KIRREL3: variants seen among roughly 807,000 people sequenced by gnomAD.
KIRREL3 encodes the protein kirre like nephrin family adhesion molecule 3.
A neutral mutation model predicts 89.7 loss-of-function variants in KIRREL3; 36 were observed. The ratio of observed to expected loss-of-function variants is 0.40; its 90% confidence interval spans 0.31 to 0.53. The LOEUF (loss-of-function observed/expected upper bound fraction) is 0.53. Ranked by LOEUF, KIRREL3 falls within the 20% of genes least tolerant of loss-of-function variation. KIRREL3 has a pLI of 0.49. For missense variants in KIRREL3, 864 were observed against 1,056.6 expected (o/e 0.82, Z 2.53); for synonymous variants, 445 against 441.4 (o/e 1.01, Z -0.10).
Position 126,578,664 on chromosome 11 carries a change from C to T in KIRREL3, c.56-15752G>A, listed in dbSNP as rs1049546834. The stretch of plus-strand genomic sequence containing the variant: ...TGGGGGAGGGACTCAGAATCCGCCT[C>T]ACACCCATGGAGAGTTCTCGCAATG... On this transcript the variant is annotated intron_variant, in intron 1 of 16. Transcript: ENST00000525144. The surrounding 1 kb of genome is among the most constrained non-coding windows in gnomAD (Gnocchi z 4.9). 1.3e-5 allele frequency among the ~76,000 whole-genome samples: 2 copies of T among 152,120 alleles called. No homozygotes were observed. Among genetic ancestry groups the T allele is most frequent in the African/African-American group, 2.4e-5 (1 of 41,424 alleles).
rs544089805 is a variant in KIRREL3 at position 126,645,011 on chromosome 11, G to A, written c.56-82099C>T. ...CCTGGAAGAGGTGAGGACTTGGGAT[G>A]AACCTTGAGGGAGGGGTTGGGGTTG... On this transcript the variant is annotated intron_variant, in intron 1 of 16. Coordinates refer to ENST00000525144, the MANE Select transcript of KIRREL3 (RefSeq NM_032531.4). This position sits in a 1 kb window ranked among gnomAD's most constrained non-coding sequence, Gnocchi z 4.9. Among the ~76,000 whole-genome samples, 7 of 152,280 alleles carry A rather than the reference G, an allele frequency of 4.6e-5. No individual in the cohort carries two copies. In the South Asian group the frequency reaches 1.4e-3, roughly 32 times the overall value.
chr11:126,590,088 A>G (rs1942063858), intron 1 of KIRREL3, among the ~76,000 whole-genome samples: 1 of 152,224 alleles, frequency 6.6e-6, no homozygotes, highest in South Asian at 2.1e-4. Flanking sequence ...GCTCAAATGT[A>G]AACCCAGGAA....
Position 126,520,631 on chromosome 11 carries a change from G to A in KIRREL3, c.433+684C>T, listed in dbSNP as rs1332501964. 9.2e-5 allele frequency among the ~76,000 whole-genome samples: 14 copies of A among 152,216 alleles called. No homozygotes were observed. The highest frequency in any genetic ancestry group is 1.9e-4 in the Non-Finnish European group (13 of 68,028). On this transcript the variant is annotated intron_variant, in intron 4 of 16. Transcript: ENST00000525144. The surrounding 1 kb of genome is among the most constrained non-coding windows in gnomAD (Gnocchi z 4.9). The stretch of plus-strand genomic sequence containing the variant: ...GGACTGAACTCTAAATCAGAACTAG[G>A]CGGTTTAAGAGGTCACCGAGCCCAT...
At position 126,946,580 on chromosome 11, in the gene KIRREL3, C is replaced by CA. The variant is rs1948625853; in HGVS notation, c.55+53874dup. ...TCATTTATTTAACATATCTTGAGAA[C>CA]ATGTTTTATGTCAGTTACTATGATA... On this transcript the variant is annotated intron_variant, in intron 1 of 16. Coordinates refer to ENST00000525144, the MANE Select transcript of KIRREL3 (RefSeq NM_032531.4). This position sits in a 1 kb window ranked among gnomAD's most constrained non-coding sequence, Gnocchi z 4.1. Among the ~76,000 whole-genome samples the CA allele has an allele frequency of 2.0e-5, 3 of 152,118 alleles. No homozygotes were observed.
intron 1 of KIRREL3, among the ~76,000 whole-genome samples, chr11:126,637,398 T>C (rs1253718976): frequency 6.6e-6 from 1 of 152,240 alleles, no homozygotes; most frequent in East Asian, 1.9e-4. Context: ...CTTGGCCTCA[T>C]GTTCCCACTG....
rs879457395 is a variant in KIRREL3 at position 126,645,232 on chromosome 11, A to G, written c.56-82320T>C. 2.0e-5 allele frequency among the ~76,000 whole-genome samples: 3 copies of G among 152,224 alleles called. No individual in the cohort carries two copies. The highest frequency in any genetic ancestry group is 4.4e-5 in the Non-Finnish European group (3 of 68,036). On this transcript the variant is annotated intron_variant, in intron 1 of 16. Coordinates refer to ENST00000525144, the MANE Select transcript of KIRREL3 (RefSeq NM_032531.4). This position sits in a 1 kb window ranked among gnomAD's most constrained non-coding sequence, Gnocchi z 4.9. ...GTAACAATTCAAATGCTAATGAAAT[A>G]TTCTCAACTTGAGTTCCCTGCGGTT...
Position 126,607,225 on chromosome 11 carries a change from G to A in KIRREL3, c.56-44313C>T, listed in dbSNP as rs1259982808. Among the ~76,000 whole-genome samples the A allele has an allele frequency of 6.6e-6, 1 of 152,200 alleles. No homozygotes were observed. The highest frequency in any genetic ancestry group is 1.5e-5 in the Non-Finnish European group (1 of 68,022). On this transcript the variant is annotated intron_variant, in intron 1 of 16. Transcript: ENST00000525144. The surrounding 1 kb of genome is among the most constrained non-coding windows in gnomAD (Gnocchi z 6.6). ...AGGGAAACGATGGAGTAGCTGAGCC[G>A]AGATTGGCTCACCTCCTTGTACAGG...
rs1039327965 is a variant in KIRREL3 at position 126,965,948 on chromosome 11, A to C, written c.55+34507T>G. ...TGTAGAATTTAGAGTTTTCAAAGTT[A>C]CTTCAATCTACTTTAAATCTTTGGA... On this transcript the variant is annotated intron_variant, in intron 1 of 16. Coordinates refer to ENST00000525144, the MANE Select transcript of KIRREL3 (RefSeq NM_032531.4). This position sits in a 1 kb window ranked among gnomAD's most constrained non-coding sequence, Gnocchi z 4.4. 6.6e-6 allele frequency among the ~76,000 whole-genome samples: 1 copy of C among 152,174 alleles called. No homozygotes were observed. The highest frequency in any genetic ancestry group is 1.5e-5 in the Non-Finnish European group (1 of 68,028).
intron 5 of KIRREL3, among the ~76,000 whole-genome samples, chr11:126,464,345 CAA>C (rs59100386): frequency 1.1e-5 from 1 of 94,886 alleles, no homozygotes. Flanking sequence ...CTGTCACTAC[CAA>C]AAAAAAAAAA....
chr11:126,632,821 G>T (rs987598351), intron 1 of KIRREL3, among the ~76,000 whole-genome samples: 5 of 53,884 alleles, frequency 9.3e-5, no homozygotes, highest in Non-Finnish European at 2.1e-4. Context: ...ACCAGGCGCG[G>T]TAGCTCATGC....
rs915260878 is a variant in KIRREL3, at chr11:126,608,329, G to C, written c.56-45417C>G. Among the ~76,000 whole-genome samples the C allele has an allele frequency of 2.0e-5, 3 of 152,196 alleles. No individual in the cohort carries two copies. The highest frequency in any genetic ancestry group is 6.5e-5 in the Admixed American group (1 of 15,290). On this transcript the variant is annotated intron_variant, in intron 1 of 16. Coordinates refer to ENST00000525144, the MANE Select transcript of KIRREL3 (RefSeq NM_032531.4). The surrounding 1 kb of genome is among the most constrained non-coding windows in gnomAD (Gnocchi z 4.9). Reference sequence around the variant, plus strand: ...GCATTTGTGAAATCTAATTAGTGCAGGCCCAACTTCTGACTTCCTGTGCGG... The same window carrying C: ...GCATTTGTGAAATCTAATTAGTGCACGCCCAACTTCTGACTTCCTGTGCGG...
At chr11:126,452,977 G>A (rs1956229882) in intron 7 of KIRREL3, among the ~76,000 whole-genome samples, 1 of 152,016 alleles carries the variant, frequency 6.6e-6, no homozygotes, top group South Asian at 2.1e-4. Flanking sequence ...AGTGAGTCTC[G>A]CCCCACCCTC....
At chr11:126,902,556 T>C (rs1223678447) in intron 1 of KIRREL3, among the ~76,000 whole-genome samples, 3 of 152,260 alleles carry the variant, frequency 2.0e-5, no homozygotes, top group African/African-American at 4.8e-5. Flanking sequence ...AGTGAATTTG[T>C]TTAACAAACA....
At position 126,736,520 on chromosome 11, in the gene KIRREL3, G is replaced by A. The variant is rs1258191812; in HGVS notation, c.56-173608C>T. 6.6e-6 allele frequency among the ~76,000 whole-genome samples: 1 copy of A among 152,086 alleles called. No homozygotes were observed. Among genetic ancestry groups the A allele is most frequent in the Non-Finnish European group, 1.5e-5 (1 of 68,004 alleles). On this transcript the variant is annotated intron_variant, in intron 1 of 16. Transcript: ENST00000525144. This position sits in a 1 kb window ranked among gnomAD's most constrained non-coding sequence, Gnocchi z 5.0. ...CATCTGGGCCGGTGGTTCTCACCTG[G>A]GGGCGATTTTGTCCCCAGGGGACAT... is the stretch of plus-strand genomic sequence containing the variant.
At chr11:126,554,204 T>C (rs536963252) in intron 2 of KIRREL3, among the ~76,000 whole-genome samples, 2 of 152,320 alleles carry the variant, frequency 1.3e-5, no homozygotes, top group South Asian at 4.1e-4. Flanking sequence ...TTCTCTGACA[T>C]CACCGAAGAC....
At chr11:126,483,324 A>C (rs1957270123) in intron 4 of KIRREL3, among the ~76,000 whole-genome samples, 1 of 152,266 alleles carries the variant, frequency 6.6e-6, no homozygotes, top group Non-Finnish European at 1.5e-5. Flanking sequence ...CATTTCTGAA[A>C]GCTCACATAA....
intron 2 of KIRREL3, among the ~76,000 whole-genome samples, chr11:126,540,776 T>C (rs1445644848): frequency 6.6e-6 from 1 of 152,136 alleles, no homozygotes; most frequent in Non-Finnish European, 1.5e-5. Context: ...AGTGGGTTTA[T>C]GGTGGGGGAG....
At chr11:126,731,775 C>T in intron 1 of KIRREL3, among the ~76,000 whole-genome samples, 1 of 152,260 alleles carries the variant, frequency 6.6e-6, no homozygotes, top group East Asian at 1.9e-4. Flanking sequence ...AAACTAATCA[C>T]ATGTGGTGGC....
At chr11:126,913,456 G>A (rs994825332) in intron 1 of KIRREL3, among the ~76,000 whole-genome samples, 6 of 152,194 alleles carry the variant, frequency 3.9e-5, no homozygotes, top group Non-Finnish European at 8.8e-5. Flanking sequence ...AGGATGGAAA[G>A]CCACACAGTT....
Sources: gnomAD v4.1 joint callset for allele counts (sites outside exome capture counted in the v4.1 genomes callset) on GRCh38, gnomAD v4.1.1 for gene constraint, Gnocchi (gnomAD v3.1) non-coding constraint, MANE v1.5 for transcripts, NCBI Gene and HGNC (gene_info 2026-07-23, HGNC 2026-07-21) for gene names.